Variants in ACYP2 observed in about 807,000 individuals in gnomAD.
ACYP2 encodes the protein acylphosphatase 2.
Under a neutral mutation model 11.2 loss-of-function variants are expected in ACYP2, and 12 were observed. That is an observed-to-expected ratio of 1.08 (90% CI 0.69 to 1.74). The LOEUF (loss-of-function observed/expected upper bound fraction) is 1.74, where lower values mean the gene tolerates loss of function less well. ACYP2 is among the 40% of genes most tolerant of loss of function. The probability of loss-of-function intolerance (pLI) is 0.00; values close to 1 mark genes in which losing one functional copy is unlikely to be tolerated. For missense variants in ACYP2, 134 were observed against 101.9 expected (o/e 1.31, Z -1.35); for synonymous variants, 43 against 32.2 (o/e 1.33, Z -1.13).
intron 4 of ACYP2, among the ~76,000 whole-genome samples, chr2:54,069,090 C>G (rs1676886130): frequency 6.6e-6 from 1 of 151,926 alleles, no homozygotes; most frequent in Admixed American, 6.6e-5. Context: ...CCACACCCAA[C>G]TAATTTTTTT....
At chr2:54,109,552 C>G (rs990989245) in intron 4 of ACYP2, among the ~76,000 whole-genome samples, 3 of 151,976 alleles carry the variant, frequency 2.0e-5, no homozygotes, top group African/African-American at 4.8e-5. Context: ...TCCCCCAAAC[C>G]TATTGAGATA....
intron 2 of ACYP2, among the ~76,000 whole-genome samples, chr2:54,013,264 T>C (rs1397575366): frequency 1.4e-5 from 1 of 72,578 alleles, no homozygotes; most frequent in Admixed American, 1.4e-4. Context: ...TATGTGTGTG[T>C]GTGTGTGTGT....
chr2:53,989,685 T>C (rs950660559), intron 2 of ACYP2, among the ~76,000 whole-genome samples: 4 of 152,218 alleles, frequency 2.6e-5, no homozygotes, highest in Non-Finnish European at 4.4e-5. Flanking sequence ...TTAGCCACTA[T>C]GTACTTTGTG....
chr2:54,022,219 T>A (rs1674043713), intron 2 of ACYP2, among the ~76,000 whole-genome samples: 1 of 152,164 alleles, frequency 6.6e-6, no homozygotes, highest in Non-Finnish European at 1.5e-5. Flanking sequence ...TTTCTTTTGT[T>A]AAATTATTTG....
intron 6 of ACYP2, among the ~76,000 whole-genome samples, chr2:54,165,300 G>T (rs571832445): frequency 6.6e-6 from 1 of 152,112 alleles, no homozygotes; most frequent in South Asian, 2.1e-4. Context: ...TCCTTTTAGG[G>T]TCCTCTGCCT....
rs34123335 is a variant in ACYP2 at position 54,098,726 on chromosome 2, CT to C, written c.278-36710del. On this transcript the variant is annotated intron_variant, in intron 4 of 6. Transcript: ENST00000607452. ...TCCTCTCTGATTTCAGACAATGTCC[CT>C]TTTTTTTTTTTTTTTTCTAAAGACA... Among the ~76,000 whole-genome samples the C allele has an allele frequency of 3.9e-3, 554 of 140,746 alleles. 4 individuals are homozygous for C. Among genetic ancestry groups the C allele is most frequent in the African/African-American group, 0.012 (464 of 37,494 alleles). The allele number at this position is 140,746 out of a possible 152,430, so 92.3% of individuals were successfully genotyped here. A position where few individuals can be genotyped will look rare whatever the true frequency, so the allele number is the denominator to read the frequency against.
intron 6 of ACYP2, among the ~76,000 whole-genome samples, chr2:54,288,489 G>T (rs183958663): frequency 6.6e-6 from 1 of 152,128 alleles, no homozygotes; most frequent in Admixed American, 6.5e-5. Context: ...GCTAGAGAAA[G>T]AACAATCTAA....
chr2:54,072,513 T>TTTTCTTTTTTCTTTCTTTCC (rs148411653), intron 4 of ACYP2, among the ~76,000 whole-genome samples: 1 of 146,056 alleles, frequency 6.8e-6, no homozygotes, highest in South Asian at 2.2e-4. Context: ...CTCTCTCTCT[T>TTTTCTTTTTTCTTTCTTTCC]TCTTTCTTCT....
chr2:53,982,930 T>A (rs1361186122), intron 2 of ACYP2, among the ~76,000 whole-genome samples: 1 of 151,658 alleles, frequency 6.6e-6, no homozygotes, highest in African/African-American at 2.4e-5. Flanking sequence ...GTGAACAACC[T>A]ATAAGTTAGC....
chr2:53,991,256 G>A (rs986220786), intron 2 of ACYP2, among the ~76,000 whole-genome samples: 2 of 152,208 alleles, frequency 1.3e-5, no homozygotes, highest in African/African-American at 4.8e-5. Context: ...CCATTCATCT[G>A]TTAATGGACG....
At chr2:54,294,508 G>A (rs1340256497) in intron 6 of ACYP2, among the ~76,000 whole-genome samples, 1 of 152,084 alleles carries the variant, frequency 6.6e-6, no homozygotes, top group Admixed American at 6.5e-5. Context: ...ACACATGAGT[G>A]CACACATATG....
At chr2:54,202,256 G>A (rs375522895) in intron 6 of ACYP2, among the ~76,000 whole-genome samples, 4 of 151,214 alleles carry the variant, frequency 2.6e-5, no homozygotes, top group African/African-American at 9.7e-5. Context: ...CTACAGGTGC[G>A]TGTCACCATG....
chr2:54,305,131 C>A lies in ACYP2; in HGVS notation c.*329C>A, dbSNP rs1689870346. On this transcript the variant is annotated 3_prime_UTR_variant, in exon 7 of 7. Transcript: ENST00000607452. ...TTGGCGAGACATCAAATAAAGTTAA[C>A]CATTTAAAAATTATTTTCATATACT... The A allele has an allele frequency of 1.2e-5, 2 of 167,204 alleles. No individual in the cohort carries two copies. Among genetic ancestry groups the A allele is most frequent in the South Asian group, 3.9e-4 (2 of 5,102 alleles). 10.4% of individuals were successfully genotyped at this position (167,204 alleles called of 1,614,324 possible). A position where few individuals can be genotyped will look rare whatever the true frequency, so the allele number is the denominator to read the frequency against.
chr2:54,111,693 G>T (rs1265449310), intron 4 of ACYP2, among the ~76,000 whole-genome samples: 2 of 152,208 alleles, frequency 1.3e-5, no homozygotes, highest in African/African-American at 2.4e-5. Flanking sequence ...TACCTATAAA[G>T]TATTCCTTCC....
intron 6 of ACYP2, among the ~76,000 whole-genome samples, chr2:54,186,023 A>G (rs145393780): frequency 2.2e-4 from 33 of 152,148 alleles, no homozygotes; most frequent in African/African-American, 7.2e-4. Flanking sequence ...AAAAAAGTTC[A>G]GGTAGCTCAC....
intron 6 of ACYP2, among the ~76,000 whole-genome samples, chr2:54,260,724 C>G (rs1206226016): frequency 6.6e-6 from 1 of 151,996 alleles, no homozygotes; most frequent in Non-Finnish European, 1.5e-5. Flanking sequence ...ATTCATGAAT[C>G]CAAGGTGGTC....
chr2:54,033,012 A>G (rs954993776), intron 2 of ACYP2, among the ~76,000 whole-genome samples: 1 of 152,154 alleles, frequency 6.6e-6, no homozygotes, highest in African/African-American at 2.4e-5. Context: ...GACAAAAACC[A>G]TTGTATGTAC....
At chr2:54,137,600 A>G (rs937598028) in intron 5 of ACYP2, among the ~76,000 whole-genome samples, 1 of 152,148 alleles carries the variant, frequency 6.6e-6, no homozygotes, top group African/African-American at 2.4e-5. Context: ...TGTTCCTTCA[A>G]AGGACATGAT....
intron 6 of ACYP2, among the ~76,000 whole-genome samples, chr2:54,278,629 TAGAC>T (rs1558664317): frequency 1.3e-5 from 2 of 152,190 alleles, no homozygotes; most frequent in African/African-American, 2.4e-5. Flanking sequence ...TTTTATGACA[TAGAC>T]AGTTTGCCGA....
Sources: gnomAD v4.1 joint callset for allele counts (sites outside exome capture counted in the v4.1 genomes callset) on GRCh38, gnomAD v4.1.1 for gene constraint, MANE v1.5 for transcripts, NCBI Gene and HGNC (gene_info 2026-07-23, HGNC 2026-07-21) for gene names.